ST6GALNAC3: variants seen among roughly 807,000 people sequenced by gnomAD.
The protein encoded by ST6GALNAC3 is alpha-N-acetylgalactosaminide alpha-2,6-sialyltransferase 3.
ST6GALNAC3 carries 25 observed loss-of-function variants against 32.7 expected under a neutral mutation model. The observed-to-expected ratio is 0.76, with a 90% CI of 0.56 to 1.07. The LOEUF is 1.07. Among genes scored for constraint, ST6GALNAC3 ranks in the 50% least tolerant of loss-of-function variants. The pLI is 0.00. For missense variants in ST6GALNAC3, 355 were observed against 382.4 expected (o/e 0.93, Z 0.60); for synonymous variants, 129 against 133.1 (o/e 0.97, Z 0.21).
intron 3 of ST6GALNAC3, among the ~76,000 whole-genome samples, chr1:76,524,401 T>C (rs982817841): frequency 6.6e-6 from 1 of 152,200 alleles, no homozygotes; most frequent in Admixed American, 6.5e-5. Context: ...TCTACTGCTA[T>C]GTTATACATT....
At chr1:76,267,978 G>C (rs924022109) in intron 1 of ST6GALNAC3, among the ~76,000 whole-genome samples, 15 of 152,140 alleles carry the variant, frequency 9.9e-5, no homozygotes, top group Non-Finnish European at 2.1e-4. Flanking sequence ...CAACCAAAAT[G>C]CTTTATAATT....
chr1:76,420,775 C>T (rs1459790451), intron 3 of ST6GALNAC3, among the ~76,000 whole-genome samples: 2 of 152,012 alleles, frequency 1.3e-5, no homozygotes, highest in Non-Finnish European at 2.9e-5. Context: ...GTTCCCTCTG[C>T]CTAAATTGCA....
At chr1:76,394,650 A>G (rs1202239206) in intron 2 of ST6GALNAC3, among the ~76,000 whole-genome samples, 1 of 152,196 alleles carries the variant, frequency 6.6e-6, no homozygotes, top group East Asian at 1.9e-4. Context: ...AATAGTTATT[A>G]TAGGTAATAG....
rs148290728 is a variant in ST6GALNAC3 at position 76,103,571 on chromosome 1, G to A, written c.18+28687G>A. 2.7e-3 allele frequency among the ~76,000 whole-genome samples: 415 copies of A among 152,214 alleles called. 1 individual carries two copies. The highest frequency in any genetic ancestry group is 0.024 in the Middle Eastern group (7 of 294). Reference sequence around the variant, plus strand: ...ATTTTTATGAGTTCCATAGGATGGCGTAGCAAATTACTAGAGACTGGGTAG... The same window carrying A: ...ATTTTTATGAGTTCCATAGGATGGCATAGCAAATTACTAGAGACTGGGTAG... On this transcript the variant is annotated intron_variant, in intron 1 of 4. Coordinates refer to ENST00000328299, the MANE Select transcript of ST6GALNAC3 (RefSeq NM_152996.4).
At chr1:76,264,194 C>G (rs1281511687) in intron 1 of ST6GALNAC3, among the ~76,000 whole-genome samples, 1 of 152,046 alleles carries the variant, frequency 6.6e-6, no homozygotes, top group African/African-American at 2.4e-5. Context: ...TTAGAGCAAG[C>G]AGGGAAAGTG....
intron 2 of ST6GALNAC3, among the ~76,000 whole-genome samples, chr1:76,325,355 A>T (rs1180782282): frequency 6.6e-6 from 1 of 152,206 alleles, no homozygotes; most frequent in African/African-American, 2.4e-5. Context: ...TTCTTCAAAG[A>T]TTCCCCAGGA....
intron 3 of ST6GALNAC3, among the ~76,000 whole-genome samples, chr1:76,539,330 T>C (rs1255446770): frequency 6.6e-6 from 1 of 152,194 alleles, no homozygotes; most frequent in African/African-American, 2.4e-5. Context: ...AAACTGAAAC[T>C]GGACTCCTTC....
At chr1:76,149,993 G>T (rs1029204000) in intron 1 of ST6GALNAC3, among the ~76,000 whole-genome samples, 1 of 152,184 alleles carries the variant, frequency 6.6e-6, no homozygotes, top group African/African-American at 2.4e-5. Flanking sequence ...GGAGGGACAT[G>T]GTGGTGGAAA....
At chr1:76,257,235 A>T (rs893374179) in intron 1 of ST6GALNAC3, among the ~76,000 whole-genome samples, 2 of 152,150 alleles carry the variant, frequency 1.3e-5, no homozygotes, top group South Asian at 4.1e-4. Context: ...TTTTATTATC[A>T]CCAATCAAAA....
At chr1:76,220,037 T>C (rs1345003323) in intron 1 of ST6GALNAC3, among the ~76,000 whole-genome samples, 6 of 152,152 alleles carry the variant, frequency 3.9e-5, no homozygotes, top group Non-Finnish European at 7.4e-5. Context: ...TGCTTGAAAA[T>C]GTGTAATGGC....
chr1:76,454,965 G>A (rs1267680140), intron 3 of ST6GALNAC3, among the ~76,000 whole-genome samples: 1 of 151,044 alleles, frequency 6.6e-6, no homozygotes, highest in Non-Finnish European at 1.5e-5. Context: ...ACTACTGTTA[G>A]TTTTGTATTA....
chr1:76,616,736 C>T (rs1467434167), intron 3 of ST6GALNAC3, among the ~76,000 whole-genome samples: 1 of 151,752 alleles, frequency 6.6e-6, no homozygotes, highest in South Asian at 2.1e-4. Context: ...TTCTAGTGAG[C>T]CTGATTTAAA....
intron 3 of ST6GALNAC3, among the ~76,000 whole-genome samples, chr1:76,417,107 T>A (rs540916162): frequency 6.6e-6 from 1 of 152,276 alleles, no homozygotes; most frequent in African/African-American, 2.4e-5. Context: ...TAAAATTATT[T>A]GGCTTGTCAA....
intron 3 of ST6GALNAC3, among the ~76,000 whole-genome samples, chr1:76,502,715 G>A (rs1297518830): frequency 1.3e-5 from 2 of 152,070 alleles, no homozygotes; most frequent in Non-Finnish European, 2.9e-5. Flanking sequence ...TAAGTATTTA[G>A]ACGTATAAAT....
chr1:76,092,835 C>A (rs933606224), intron 1 of ST6GALNAC3, among the ~76,000 whole-genome samples: 2 of 152,116 alleles, frequency 1.3e-5, no homozygotes, highest in East Asian at 3.9e-4. Context: ...GACTGCCTGG[C>A]GTCCAGCGTG....
rs546396111 is a variant in ST6GALNAC3, at chr1:76,103,583, T to G, written c.18+28699T>G. On this transcript the variant is annotated intron_variant, in intron 1 of 4. Coordinates refer to ENST00000328299, the MANE Select transcript of ST6GALNAC3 (RefSeq NM_152996.4). ...TCCATAGGATGGCGTAGCAAATTACTAGAGACTGGGTAGCCTAGACAACAG... is the reference window on the plus strand; with the variant it reads ...TCCATAGGATGGCGTAGCAAATTACGAGAGACTGGGTAGCCTAGACAACAG... 1.8e-4 allele frequency among the ~76,000 whole-genome samples: 27 copies of G among 152,332 alleles called. No individual in the cohort carries two copies. The South Asian group carries it at 5.6e-3, about 32-fold the overall frequency.
At chr1:76,449,154 A>G (rs182221356) in intron 3 of ST6GALNAC3, among the ~76,000 whole-genome samples, 1 of 152,304 alleles carries the variant, frequency 6.6e-6, no homozygotes, top group African/African-American at 2.4e-5. Context: ...AAAATGGACT[A>G]ATGCAAACAC....
chr1:76,138,425 T>C (rs167050), intron 1 of ST6GALNAC3, among the ~76,000 whole-genome samples: 25,417 of 151,902 alleles, frequency 0.17, 2,182 homozygotes, highest in Non-Finnish European at 0.18. Flanking sequence ...CCTGGTGAAA[T>C]TGAAAAAAAC....
At chr1:76,114,360 A>C (rs186339650) in intron 1 of ST6GALNAC3, among the ~76,000 whole-genome samples, 37 of 152,206 alleles carry the variant, frequency 2.4e-4, no homozygotes, top group African/African-American at 8.4e-4. Flanking sequence ...ATTCATTACT[A>C]ATGTAGTTGG....
Sources: gnomAD v4.1 joint callset for allele counts (sites outside exome capture counted in the v4.1 genomes callset) on GRCh38, gnomAD v4.1.1 for gene constraint, MANE v1.5 for transcripts, NCBI Gene and HGNC (gene_info 2026-07-23, HGNC 2026-07-21) for gene names.